ADGB: variants seen among roughly 807,000 people sequenced by gnomAD.
ADGB encodes the protein calpain-7-like protein.
Under a neutral mutation model 210.5 loss-of-function variants are expected in ADGB, and 172 were observed. That is an observed-to-expected ratio of 0.82 (90% CI 0.72 to 0.93). ADGB has a LOEUF of 0.93. ADGB is among the 40% of genes least tolerant of loss of function. The pLI, the probability that ADGB is intolerant of heterozygous loss-of-function variation, is 0.00. For synonymous variants in ADGB, 658 were observed against 662.7 expected, an observed-to-expected ratio of 0.99 and a Z score of 0.11; for missense variants, 2,025 against 1,964.8, an observed-to-expected ratio of 1.03 and a Z score of -0.58.
At chr6:146,747,053 A>G (rs1003852563) in intron 26 of ADGB, among the ~76,000 whole-genome samples, 1 of 152,178 alleles carries the variant, frequency 6.6e-6, no homozygotes, top group African/African-American at 2.4e-5. Flanking sequence ...AGACTGTGAC[A>G]TATCAAATTT....
chr6:146,622,054 G>A (rs759437871), intron 1 of ADGB, among the ~76,000 whole-genome samples: 1 of 152,110 alleles, frequency 6.6e-6, no homozygotes, highest in East Asian at 1.9e-4. Context: ...CACTTGACAT[G>A]GTTTATCTTT....
At chr6:146,631,610 G>A (rs141135291) in intron 1 of ADGB, among the ~76,000 whole-genome samples, 1 of 152,268 alleles carries the variant, frequency 6.6e-6, no homozygotes, top group East Asian at 1.9e-4. Flanking sequence ...GATAGAGATA[G>A]ATTTATTACT....
chr6:146,692,937 C>T, intron 12 of ADGB, 22 bp downstream of exon 12: 1 of 1,294,752 alleles, frequency 7.7e-7, no homozygotes, highest in Non-Finnish European at 1.1e-6. Flanking sequence ...CATTCTTCCT[C>T]ACAAATGTGT....
At chr6:146,638,211 A>AT (rs35202468) in intron 2 of ADGB, among the ~76,000 whole-genome samples, 44,423 of 151,902 alleles carry the variant, frequency 0.29, 7,479 homozygotes, top group Admixed American at 0.4. Context: ...CCCTTTTCCC[A>AT]TTACAAAAAA....
chr6:146,688,841 T>A (rs1037250231), intron 10 of ADGB, among the ~76,000 whole-genome samples: 1 of 152,106 alleles, frequency 6.6e-6, no homozygotes, highest in African/African-American at 2.4e-5. Context: ...TTTTGTTAAA[T>A]GGAGTACATT....
At chr6:146,680,185 A>G (rs1776138737) in intron 9 of ADGB, among the ~76,000 whole-genome samples, 1 of 152,080 alleles carries the variant, frequency 6.6e-6, no homozygotes, top group African/African-American at 2.4e-5. Context: ...AGCCCACAGG[A>G]TGTGAAGCAA....
chr6:146,737,140 G>A lies in ADGB; in HGVS notation c.2888+549G>A, dbSNP rs1316159401. Among the ~76,000 whole-genome samples the A allele has an allele frequency of 2.0e-5, 3 of 151,388 alleles. No homozygotes were observed. The South Asian group carries it at 6.2e-4, about 32-fold the overall frequency. On this transcript the variant is annotated intron_variant, in intron 23 of 35. Coordinates refer to ENST00000397944, the MANE Select transcript of ADGB (RefSeq NM_024694.4). ...CCCTCTGGTGATGTAGATTTCAGAG[G>A]TGGCAGAAAAAAAAAACCTCTAAAC...
chr6:146,668,024 G>A (rs997183308), intron 7 of ADGB, among the ~76,000 whole-genome samples: 2 of 152,022 alleles, frequency 1.3e-5, no homozygotes, highest in Admixed American at 6.6e-5. Flanking sequence ...TCCAAAAATA[G>A]CTATTAGGTA....
At position 146,740,545 on chromosome 6, in the gene ADGB, C is replaced by G; in HGVS notation, c.2975C>G (p.Thr992Ser). 6.4e-7 allele frequency: 1 copy of G among 1,550,856 alleles called. No homozygotes were observed. The highest frequency in any genetic ancestry group is 8.7e-7 in the Non-Finnish European group (1 of 1,146,554). ...ACTAAGATTGCTTTTGCAGATTATA[C>G]TGTGACTTATCAAGAACAGCCACCA... ...EETKIAFADY[T>S]VTYQEQPPNS... is the part of the protein sequence containing the mutation. The change falls in exon 24 of 36, where the codon ACT (threonine) becomes AGT (serine). Residue 992 changes from threonine to serine, a missense_variant. Coordinates refer to ENST00000397944, the MANE Select transcript of ADGB (RefSeq NM_024694.4).
chr6:146,686,722 G>A (rs1334187808), intron 10 of ADGB, among the ~76,000 whole-genome samples: 1 of 152,028 alleles, frequency 6.6e-6, no homozygotes, highest in Admixed American at 6.6e-5. Context: ...TGCTTTTGGG[G>A]TTTTTGAATC....
chr6:146,671,487 AT>A (rs1224278042), intron 7 of ADGB, among the ~76,000 whole-genome samples: 1 of 152,132 alleles, frequency 6.6e-6, no homozygotes, highest in Non-Finnish European at 1.5e-5. Context: ...GATGCAGGAC[AT>A]TTTTGTTTAC....
At chr6:146,785,178 G>A (rs965448009) in intron 31 of ADGB, among the ~76,000 whole-genome samples, 18 of 152,078 alleles carry the variant, frequency 1.2e-4, no homozygotes, top group African/African-American at 3.6e-4. Context: ...AAAACCATGT[G>A]CTGCCCCCTT....
chr6:146,672,177 A>G, intron 7 of ADGB, 43 bp from the exon 8 acceptor site: 1 of 1,454,952 alleles, frequency 6.9e-7, no homozygotes, highest in Non-Finnish European at 9.1e-7. Flanking sequence ...AAGGAAAAAA[A>G]AAAACATCGT....
chr6:146,672,632 T>C (rs1296863211), intron 8 of ADGB, among the ~76,000 whole-genome samples, 165 bp downstream of exon 8: 1 of 151,920 alleles, frequency 6.6e-6, no homozygotes, highest in Non-Finnish European at 1.5e-5. Flanking sequence ...CAGAATGAAG[T>C]AAGAAGAGAT....
intron 1 of ADGB, among the ~76,000 whole-genome samples, chr6:146,610,719 G>A (rs529865559): frequency 5.3e-5 from 8 of 152,234 alleles, no homozygotes; most frequent in African/African-American, 1.9e-4. Context: ...CTGCATTGGA[G>A]GGGCCAAGAT....
intron 35 of ADGB, among the ~76,000 whole-genome samples, 177 bp from the exon 36 acceptor site, chr6:146,814,855 C>T (rs1467161975): frequency 3.3e-5 from 5 of 152,120 alleles, no homozygotes; most frequent in South Asian, 2.1e-4. Context: ...ATGATTTTGT[C>T]GCTATGTTTT....
intron 30 of ADGB, among the ~76,000 whole-genome samples, chr6:146,783,582 A>G (rs1777831698): frequency 6.6e-6 from 1 of 152,234 alleles, no homozygotes; most frequent in Non-Finnish European, 1.5e-5. Flanking sequence ...AATAATTTCC[A>G]ATTGTGAAAG....
At chr6:146,745,693 G>T (rs1455042555) in intron 25 of ADGB, among the ~76,000 whole-genome samples, 1 of 152,066 alleles carries the variant, frequency 6.6e-6, no homozygotes, top group East Asian at 1.9e-4. Flanking sequence ...TATAGTTAAG[G>T]AACCACACAA....
At chr6:146,702,124 C>T (rs73788798) in intron 13 of ADGB, among the ~76,000 whole-genome samples, 2,698 of 151,686 alleles carry the variant, frequency 0.018, 92 homozygotes, top group African/African-American at 0.061. Context: ...TAACTATGAG[C>T]TTCATTGGAT....
Sources: gnomAD v4.1 joint callset for allele counts (sites outside exome capture counted in the v4.1 genomes callset) on GRCh38, gnomAD v4.1.1 for gene constraint, MANE v1.5 for transcripts, NCBI Gene and HGNC (gene_info 2026-07-23, HGNC 2026-07-21) for gene names.